The following COL24A1 variants were observed in gnomAD, a reference collection of about 807,000 sequenced individuals.
COL24A1 encodes collagen alpha-1(XXIV) chain.
COL24A1 carries 224 observed loss-of-function variants against 253.9 expected under a neutral mutation model. The ratio of observed to expected loss-of-function variants is 0.88; its 90% confidence interval spans 0.79 to 0.99. COL24A1 has a LOEUF of 0.99. Among genes scored for constraint, COL24A1 ranks in the 50% least tolerant of loss-of-function variants. The pLI, the probability that COL24A1 is intolerant of heterozygous loss-of-function variation, is 0.00. For synonymous variants in COL24A1, 685 were observed against 673.7 expected (o/e 1.02, Z -0.26); for missense variants, 2,131 against 2,068.5 (o/e 1.03, Z -0.59).
At chr1:85,794,863 C>T (rs72950653) in intron 47 of COL24A1, among the ~76,000 whole-genome samples, 2,573 of 152,140 alleles carry the variant, frequency 0.017, 72 homozygotes, top group African/African-American at 0.058. Context: ...TACATGGTGT[C>T]GCATGACCAG....
intron 53 of COL24A1, among the ~76,000 whole-genome samples, chr1:85,767,644 C>CT (rs879708751): frequency 1.8e-3 from 269 of 146,778 alleles, no homozygotes; most frequent in African/African-American, 5.9e-3. Flanking sequence ...CCAGTTAATC[C>CT]TTTTTTTTTT....
chr1:85,943,117 G>T (rs958256592), intron 24 of COL24A1, among the ~76,000 whole-genome samples: 2 of 152,200 alleles, frequency 1.3e-5, no homozygotes, highest in Admixed American at 6.5e-5. Flanking sequence ...CTGAGAGCTG[G>T]TACAGACTTT....
intron 52 of COL24A1, among the ~76,000 whole-genome samples, chr1:85,777,632 G>T (rs1668692322): frequency 6.6e-6 from 1 of 151,876 alleles, no homozygotes; most frequent in South Asian, 2.1e-4. Flanking sequence ...AAAAGTCTTT[G>T]CAAAATTTCA....
At chr1:86,139,663 A>G (rs1018357912) in intron 2 of COL24A1, among the ~76,000 whole-genome samples, 3 of 152,152 alleles carry the variant, frequency 2.0e-5, no homozygotes, top group East Asian at 3.9e-4. Flanking sequence ...AATATAACAT[A>G]GCACTTAAAT....
chr1:85,985,838 C>G (rs1412743268), intron 20 of COL24A1, among the ~76,000 whole-genome samples: 19 of 151,744 alleles, frequency 1.3e-4, no homozygotes, highest in Non-Finnish European at 1.8e-4. Flanking sequence ...TGGGAAAGAT[C>G]CCTGCATATA....
intron 26 of COL24A1, among the ~76,000 whole-genome samples, chr1:85,909,156 G>C (rs544598216): frequency 6.6e-6 from 1 of 151,778 alleles, no homozygotes; most frequent in South Asian, 2.1e-4. Context: ...TGCGTTAGGA[G>C]GTAATGATTC....
Position 85,841,988 on chromosome 1 carries a change from T to C in COL24A1, c.3570+80A>G. The C allele has an allele frequency of 3.2e-6, 4 of 1,263,258 alleles. No homozygotes were observed. In the South Asian group the frequency reaches 4.1e-5, roughly 13 times the overall value. The allele number at this position is 1,263,258 out of a possible 1,614,324, so 78.3% of individuals were successfully genotyped here. ...AAGTGCTTCTTTTATTCCTTGAAAA[T>C]TTTTCCATGCAGTCTTTCAGGAATA... On this transcript the variant is annotated intron_variant, in intron 41 of 59. Transcript: ENST00000370571.
chr1:86,002,629 G>A (rs1246001393), intron 19 of COL24A1, among the ~76,000 whole-genome samples: 2 of 152,100 alleles, frequency 1.3e-5, no homozygotes, highest in East Asian at 1.9e-4. Flanking sequence ...CACTACATAC[G>A]TGATGTCATG....
chr1:85,742,137 C>T (rs376529819), intron 57 of COL24A1, among the ~76,000 whole-genome samples: 2 of 142,414 alleles, frequency 1.4e-5, no homozygotes, highest in South Asian at 2.2e-4. Flanking sequence ...TTTCTTTTTT[C>T]TTTTTTTTTC....
chr1:85,819,132 C>T (rs114784789), intron 45 of COL24A1, among the ~76,000 whole-genome samples: 130 of 152,206 alleles, frequency 8.5e-4, no homozygotes, highest in Non-Finnish European at 1.6e-3. Flanking sequence ...TTGTACTTGT[C>T]TTAGAAGTCA....
At chr1:85,845,847 T>A (rs313704) in intron 39 of COL24A1, among the ~76,000 whole-genome samples, 123,764 of 151,792 alleles carry the variant, frequency 0.82, 50,861 homozygotes, top group South Asian at 0.87. Flanking sequence ...GTAAGCAGAT[T>A]TGAGTAAATA....
chr1:85,912,921 G>A (rs1571193121), intron 24 of COL24A1, among the ~76,000 whole-genome samples: 1 of 151,992 alleles, frequency 6.6e-6, no homozygotes, highest in Non-Finnish European at 1.5e-5. Flanking sequence ...TTGATATATT[G>A]GTGTAAATGA....
intron 32 of COL24A1, 28 bp from the exon 33 acceptor site, chr1:85,877,203 A>C (rs1450634134): frequency 6.5e-7 from 1 of 1,533,916 alleles, no homozygotes; most frequent in Admixed American, 1.9e-5. Context: ...TTAAGATATG[A>C]GAATAAAAGT....
intron 7 of COL24A1, among the ~76,000 whole-genome samples, chr1:86,064,878 AAC>A (rs1195948254): frequency 4.6e-5 from 7 of 152,224 alleles, no homozygotes; most frequent in African/African-American, 1.7e-4. Context: ...TTAAACTTAA[AAC>A]AGTTTAACTG....
At chr1:86,136,088 C>A (rs1423223830) in intron 2 of COL24A1, among the ~76,000 whole-genome samples, 3 of 152,092 alleles carry the variant, frequency 2.0e-5, no homozygotes, top group Non-Finnish European at 4.4e-5. Context: ...GCTCTATATA[C>A]AACCCTTCAT....
chr1:85,962,343 C>T lies in COL24A1; in HGVS notation c.2518-1050G>A, dbSNP rs570100617. 5.3e-5 allele frequency among the ~76,000 whole-genome samples: 8 copies of T among 152,094 alleles called. No individual in the cohort carries two copies. The South Asian group carries it at 1.0e-3, about 20-fold the overall frequency. On this transcript the variant is annotated intron_variant, in intron 23 of 59. Transcript: ENST00000370571. Reference sequence around the variant, plus strand: ...CAACTCATTTGGTGGCAAACTTGACCTAACTTGGATTGATTTGGCAGTAAA... The same window carrying T: ...CAACTCATTTGGTGGCAAACTTGACTTAACTTGGATTGATTTGGCAGTAAA...
At position 85,969,604 on chromosome 1, in the gene COL24A1, C is replaced by CAAAAAAAAAAAAAAAAAA. The variant is rs61128567; in HGVS notation, c.2463+605_2463+622dup. Among the ~76,000 whole-genome samples the CAAAAAAAAAAAAAAAAAA allele has an allele frequency of 7.3e-5, 2 of 27,476 alleles. 1 individual carries two copies. The highest frequency in any genetic ancestry group is 3.0e-4 in the African/African-American group (2 of 6,630). 18.0% of individuals were successfully genotyped at this position (27,476 alleles called of 152,430 possible). ...TGGATGACAGAGTGAGACTCTGTCT[C>CAAAAAAAAAAAAAAAAAA]AAAAAAAAAAAAAAAAAAAAAAAAA... On this transcript the variant is annotated intron_variant, in intron 22 of 59. Coordinates refer to ENST00000370571, the MANE Select transcript of COL24A1 (RefSeq NM_152890.7).
chr1:86,034,688 C>A (rs1698860868), intron 12 of COL24A1, among the ~76,000 whole-genome samples: 1 of 151,896 alleles, frequency 6.6e-6, no homozygotes, highest in Admixed American at 6.6e-5. Flanking sequence ...TAAAAGCTTC[C>A]CAAATGCCTA....
intron 37 of COL24A1, among the ~76,000 whole-genome samples, chr1:85,853,306 T>C (rs1678014808): frequency 6.6e-6 from 1 of 152,240 alleles, no homozygotes; most frequent in Non-Finnish European, 1.5e-5. Flanking sequence ...GATCTTGTTC[T>C]TTTTCTATGG....
Sources: gnomAD v4.1 joint callset for allele counts (sites outside exome capture counted in the v4.1 genomes callset) on GRCh38, gnomAD v4.1.1 for gene constraint, MANE v1.5 for transcripts, NCBI Gene and HGNC (gene_info 2026-07-23, HGNC 2026-07-21) for gene names.